The following SPSB1 variants were observed in gnomAD, a reference collection of about 807,000 sequenced individuals.
The protein encoded by SPSB1 is splA/ryanodine receptor domain and SOCS box containing 1.
A neutral mutation model predicts 21.2 loss-of-function variants in SPSB1; 8 were observed. The ratio of observed to expected loss-of-function variants is 0.38; its 90% CI spans 0.22 to 0.68. SPSB1 has a LOEUF of 0.68. SPSB1 is among the 30% of genes least tolerant of loss of function. The pLI is 0.53. For missense variants in SPSB1, 242 were observed against 377.8 expected, an observed-to-expected ratio of 0.64 and a Z score of 2.98; for synonymous variants, 169 against 161.7, an observed-to-expected ratio of 1.05 and a Z score of -0.34.
chr1:9,350,986 C>A (rs1640246533), intron 1 of SPSB1, among the ~76,000 whole-genome samples: 1 of 152,198 alleles, frequency 6.6e-6, no homozygotes, highest in African/African-American at 2.4e-5. Context: ...CATCCAGGCA[C>A]CTGTGAATGT....
rs1369283705 is a variant in SPSB1 at position 9,356,386 on chromosome 1, G to T, written c.495G>T (p.Leu165=). The T allele has an allele frequency of 6.2e-7, 1 of 1,614,152 alleles. No individual in the cohort carries two copies. The highest frequency in any genetic ancestry group is 1.1e-5 in the South Asian group (1 of 91,090). ...CAAGCAAAACATACCCAGCCTTTCT[G>T]GAACCAGATGAGACATTCATTGTCC... ...NQPSKTYPAF[L]EPDETFIVPD... Residue 165 remains leucine, a synonymous_variant, in exon 2 of 3, where the codon CTG becomes CTT. Coordinates refer to ENST00000328089, the MANE Select transcript of SPSB1 (RefSeq NM_025106.4). The surrounding 1 kb of genome is among the most constrained non-coding windows in gnomAD (Gnocchi z 7.4).
At chr1:9,314,396 C>T (rs1639576085) in intron 1 of SPSB1, among the ~76,000 whole-genome samples, 1 of 151,974 alleles carries the variant, frequency 6.6e-6, no homozygotes, top group South Asian at 2.1e-4. Flanking sequence ...CTGGTACCTT[C>T]CTGATGGGAA....
chr1:9,297,552 G>A (rs2100457184), intron 1 of SPSB1, among the ~76,000 whole-genome samples: 1 of 152,204 alleles, frequency 6.6e-6, no homozygotes, highest in African/African-American at 2.4e-5. Context: ...TGTGGGAGTG[G>A]ATATTAGGAT....
At chr1:9,353,917 T>TG (rs1557464081) in intron 1 of SPSB1, among the ~76,000 whole-genome samples, 2 of 93,022 alleles carry the variant, frequency 2.2e-5, no homozygotes, top group Admixed American at 1.1e-4. Context: ...AAACTCCATC[T>TG]CAAAAAAAAA....
At chr1:9,360,927 G>A (rs976092883) in intron 2 of SPSB1, among the ~76,000 whole-genome samples, 1 of 152,192 alleles carries the variant, frequency 6.6e-6, no homozygotes, top group Non-Finnish European at 1.5e-5. Context: ...CCTGTGGGGG[G>A]TGAAAGATGA....
At chr1:9,332,448 A>G (rs1457343859) in intron 1 of SPSB1, among the ~76,000 whole-genome samples, 4 of 152,296 alleles carry the variant, frequency 2.6e-5, no homozygotes, top group Non-Finnish European at 5.9e-5. Flanking sequence ...AATTGGCAGC[A>G]TTGTAGAGGC....
intron 2 of SPSB1, among the ~76,000 whole-genome samples, chr1:9,364,226 C>T (rs1482552328): frequency 1.3e-5 from 2 of 152,254 alleles, no homozygotes; most frequent in Non-Finnish European, 2.9e-5. Context: ...GCCCAGACCC[C>T]TTGGCCCTGA....
Position 9,309,129 on chromosome 1 carries a change from A to G in SPSB1, c.-150+16058A>G, listed in dbSNP as rs188853837. 1.0e-3 allele frequency among the ~76,000 whole-genome samples: 154 copies of G among 152,012 alleles called. 1 individual carries two copies. The highest frequency in any genetic ancestry group is 2.6e-3 in the Admixed American group (40 of 15,274). ...TGCAGAGCTGTGTAGCAGGGAGGGC[A>G]TCAAATGCCAGGCCCAGGGGTCGTC... On this transcript the variant is annotated intron_variant, in intron 1 of 2. Coordinates refer to ENST00000328089, the MANE Select transcript of SPSB1 (RefSeq NM_025106.4).
chr1:9,353,579 G>T (rs1640306591), intron 1 of SPSB1, among the ~76,000 whole-genome samples: 1 of 152,166 alleles, frequency 6.6e-6, no homozygotes, highest in South Asian at 2.1e-4. Flanking sequence ...TGGACACAAG[G>T]AGTCCTGCCC....
intron 1 of SPSB1, among the ~76,000 whole-genome samples, chr1:9,328,854 C>T (rs1054918099): frequency 1.3e-5 from 2 of 152,154 alleles, no homozygotes; most frequent in Non-Finnish European, 2.9e-5. Flanking sequence ...CGTGGCTGGG[C>T]GTTTAGCAAT....
At position 9,324,960 on chromosome 1, in the gene SPSB1, G is replaced by A. The variant is rs563679863; in HGVS notation, c.-149-30783G>A. 2.6e-5 allele frequency among the ~76,000 whole-genome samples: 4 copies of A among 152,338 alleles called. No individual in the cohort carries two copies. The highest frequency in any genetic ancestry group is 4.1e-4 in the South Asian group (2 of 4,826). ...ACCCGGCCTGGCGGGCTGGTGGATC[G>A]GAGGCGCCTGTGAGCGGGTCAGTAC... On this transcript the variant is annotated intron_variant, in intron 1 of 2. Transcript: ENST00000328089. This position sits in a 1 kb window ranked among gnomAD's most constrained non-coding sequence, Gnocchi z 4.3.
chr1:9,320,406 G>GC (rs781388175), intron 1 of SPSB1, among the ~76,000 whole-genome samples: 1 of 152,278 alleles, frequency 6.6e-6, no homozygotes, highest in South Asian at 2.1e-4. Flanking sequence ...CCCCTGCCCT[G>GC]CCCCACGTGT....
rs1221272574 is a variant in SPSB1, at chr1:9,348,818, G to C, written c.-149-6925G>C. ...ACCGAGAAATCCAGTAGGGTCACGCGGCTCTGATGGGTGTTTGGAACCCCA... is the reference window on the plus strand; with the variant it reads ...ACCGAGAAATCCAGTAGGGTCACGCCGCTCTGATGGGTGTTTGGAACCCCA... On this transcript the variant is annotated intron_variant, in intron 1 of 2. Transcript: ENST00000328089. The surrounding 1 kb of genome is among the most constrained non-coding windows in gnomAD (Gnocchi z 4.8). 6.6e-6 allele frequency among the ~76,000 whole-genome samples: 1 copy of C among 151,734 alleles called. No homozygotes were observed.
intron 1 of SPSB1, among the ~76,000 whole-genome samples, chr1:9,334,052 T>C (rs1261475566): frequency 1.3e-5 from 2 of 152,220 alleles, no homozygotes; most frequent in African/African-American, 2.4e-5. Context: ...CATTTTTCAA[T>C]TGTAGCAAAT....
intron 1 of SPSB1, among the ~76,000 whole-genome samples, chr1:9,331,357 T>C (rs1639917207): frequency 1.8e-5 from 2 of 111,556 alleles, no homozygotes; most frequent in Admixed American, 2.2e-4. Flanking sequence ...TGAGGTGGAG[T>C]TTCACTCTTG....
intron 2 of SPSB1, among the ~76,000 whole-genome samples, chr1:9,362,782 G>A (rs2100521932): frequency 6.6e-6 from 1 of 152,378 alleles, no homozygotes; most frequent in Admixed American, 6.5e-5. Flanking sequence ...GGAAGCTGGT[G>A]CACTGTCTCT....
intron 1 of SPSB1, among the ~76,000 whole-genome samples, chr1:9,326,939 T>G (rs971303784): frequency 7.9e-5 from 12 of 152,116 alleles, no homozygotes; most frequent in Non-Finnish European, 1.6e-4. Flanking sequence ...ACCCCTTCTT[T>G]CCTGCTTGCT....
At chr1:9,334,810 G>A (rs1271932798) in intron 1 of SPSB1, among the ~76,000 whole-genome samples, 1 of 152,154 alleles carries the variant, frequency 6.6e-6, no homozygotes, top group Non-Finnish European at 1.5e-5. Flanking sequence ...TTGTCTTTTT[G>A]TTACTGGCTT....
At chr1:9,322,439 T>C (rs1183413256) in intron 1 of SPSB1, among the ~76,000 whole-genome samples, 3 of 152,216 alleles carry the variant, frequency 2.0e-5, no homozygotes, top group East Asian at 1.9e-4. Flanking sequence ...TTGTTATTCC[T>C]GTCCCAAAAG....
Sources: gnomAD v4.1 joint callset for allele counts (sites outside exome capture counted in the v4.1 genomes callset) on GRCh38, gnomAD v4.1.1 for gene constraint, Gnocchi (gnomAD v3.1) non-coding constraint, MANE v1.5 for transcripts, NCBI Gene and HGNC (gene_info 2026-07-23, HGNC 2026-07-21) for gene names.